The following IQCM variants were observed in gnomAD, a reference collection of about 807,000 sequenced individuals.
The protein encoded by IQCM is IQ motif containing M.
A neutral mutation model predicts 57.6 loss-of-function variants in IQCM; 45 were observed. The observed-to-expected ratio is 0.78, with a 90% CI of 0.62 to 1.00. The LOEUF (loss-of-function observed/expected upper bound fraction) is 1.00. Ranked by LOEUF, IQCM falls within the 50% of genes least tolerant of loss-of-function variation. The pLI is 0.00. For synonymous variants in IQCM, 148 were observed against 158.9 expected, an observed-to-expected ratio of 0.93 and a Z score of 0.51; for missense variants, 468 against 511.6, an observed-to-expected ratio of 0.91 and a Z score of 0.82.
chr4:149,583,004 C>T (rs1267425849), intron 9 of IQCM, among the ~76,000 whole-genome samples: 2 of 151,478 alleles, frequency 1.3e-5, no homozygotes, highest in African/African-American at 4.8e-5. Flanking sequence ...TATCTGGACT[C>T]TGAAATGTGA....
At chr4:149,758,859 G>A (rs577403625) in intron 2 of IQCM, among the ~76,000 whole-genome samples, 27 of 147,464 alleles carry the variant, frequency 1.8e-4, no homozygotes, top group African/African-American at 6.2e-4. Context: ...GTGGGAATGC[G>A]AAATGATACA....
chr4:149,764,436 G>A (rs2149971859), intron 2 of IQCM, among the ~76,000 whole-genome samples: 1 of 152,240 alleles, frequency 6.6e-6, no homozygotes, highest in Admixed American at 6.5e-5. Flanking sequence ...TATGCATAAT[G>A]AGACAACTTT....
chr4:149,775,403 A>G (rs1021253096), intron 2 of IQCM, among the ~76,000 whole-genome samples: 2 of 152,214 alleles, frequency 1.3e-5, no homozygotes, highest in African/African-American at 4.8e-5. Flanking sequence ...GTTCACCAGA[A>G]CTTTAATCTC....
intron 2 of IQCM, among the ~76,000 whole-genome samples, chr4:149,808,577 AG>A (rs1315874461): frequency 6.6e-6 from 1 of 152,176 alleles, no homozygotes; most frequent in East Asian, 1.9e-4. Context: ...ACAAAAAGGT[AG>A]ATGTTTGAGG....
At chr4:149,358,424 C>A (rs1185428890) in intron 13 of IQCM, among the ~76,000 whole-genome samples, 1 of 152,076 alleles carries the variant, frequency 6.6e-6, no homozygotes, top group Non-Finnish European at 1.5e-5. Context: ...TGAATGTGTC[C>A]CATAGATTCT....
chr4:149,449,966 C>T (rs1736926884), intron 12 of IQCM, among the ~76,000 whole-genome samples: 1 of 151,650 alleles, frequency 6.6e-6, no homozygotes, highest in Admixed American at 6.6e-5. Flanking sequence ...TTATACTACA[C>T]AGCTATGGTA....
At chr4:149,747,594 T>C (rs1768047386) in intron 2 of IQCM, among the ~76,000 whole-genome samples, 1 of 152,240 alleles carries the variant, frequency 6.6e-6, no homozygotes, top group South Asian at 2.1e-4. Context: ...AATCCACGGA[T>C]ACAGAGGTCC....
rs1056510088 is a variant in IQCM, at chr4:149,583,759, T to C, written c.749+4171A>G. Reference sequence around the variant, plus strand: ...AGAACATGTCATCACAATAGTACAATGAATTATAATCTATACAGCTTCTGG... The same window carrying C: ...AGAACATGTCATCACAATAGTACAACGAATTATAATCTATACAGCTTCTGG... On this transcript the variant is annotated intron_variant, in intron 9 of 13. Transcript: ENST00000636793. Among the ~76,000 whole-genome samples, 10 of 151,706 alleles carry C rather than the reference T, an allele frequency of 6.6e-5. No individual in the cohort carries two copies. The South Asian group carries it at 2.1e-3, about 31-fold the overall frequency.
chr4:149,628,886 A>G (rs534188069), intron 7 of IQCM, among the ~76,000 whole-genome samples: 8 of 152,330 alleles, frequency 5.3e-5, no homozygotes, highest in African/African-American at 1.7e-4. Context: ...ATCAATAAAT[A>G]ATAGACCACC....
At chr4:149,469,370 A>T (rs1430240318) in intron 12 of IQCM, among the ~76,000 whole-genome samples, 1 of 152,242 alleles carries the variant, frequency 6.6e-6, no homozygotes, top group Non-Finnish European at 1.5e-5. Context: ...AAGAAAGGGT[A>T]TCAGTGATTG....
intron 2 of IQCM, chr4:149,790,330 C>G (rs942279190): frequency 2.4e-5 from 5 of 207,980 alleles, no homozygotes; most frequent in African/African-American, 4.7e-5. Context: ...TTGCGAGCTG[C>G]CTTCTTCCTT....
chr4:149,627,342 A>G lies in IQCM; in HGVS notation c.566-6098T>C, dbSNP rs117699657. ...ACCTGATCATCAACTATAGAACTAG[A>G]TTTTTCTCAGGGCTGAGAAAAATCC... On this transcript the variant is annotated intron_variant, in intron 7 of 13. Coordinates refer to ENST00000636793, the MANE Select transcript of IQCM (RefSeq NM_001363507.2). 2.4e-3 allele frequency among the ~76,000 whole-genome samples: 372 copies of G among 152,130 alleles called. 12 individuals carry two copies. The East Asian group carries it at 0.064, about 26-fold the overall frequency.
At chr4:149,686,233 T>C in intron 6 of IQCM, 145 bp downstream of exon 6, 1 of 398,054 alleles carries the variant, frequency 2.5e-6, no homozygotes, top group African/African-American at 2.1e-5. Flanking sequence ...TTGATATGCT[T>C]TGAGGAACTC....
At chr4:149,396,786 C>T (rs1035250665) in intron 13 of IQCM, among the ~76,000 whole-genome samples, 5 of 152,138 alleles carry the variant, frequency 3.3e-5, no homozygotes, top group South Asian at 2.1e-4. Flanking sequence ...ACTTTACATA[C>T]GTAATGTAAG....
chr4:149,625,937 A>G (rs546405972), intron 7 of IQCM, among the ~76,000 whole-genome samples: 54 of 152,298 alleles, frequency 3.5e-4, no homozygotes, highest in African/African-American at 1.3e-3. Flanking sequence ...TTTCTATGTT[A>G]TAAAATATCT....
At chr4:149,620,404 G>A (rs923807390) in intron 8 of IQCM, among the ~76,000 whole-genome samples, 1 of 152,020 alleles carries the variant, frequency 6.6e-6, no homozygotes, top group African/African-American at 2.4e-5. Flanking sequence ...TATGAAAAGA[G>A]AGAAAAAGAT....
rs1368288548 is a variant in IQCM at position 149,387,272 on chromosome 4, T to A, written c.1391-35206A>T. On this transcript the variant is annotated intron_variant, in intron 13 of 13. Coordinates refer to ENST00000636793, the MANE Select transcript of IQCM (RefSeq NM_001363507.2). Reference sequence around the variant, plus strand: ...ACTAATCCCATTCATAAGGGCTTCATCCTCATGACCTAATCATCTCCCAAA... The same window carrying A: ...ACTAATCCCATTCATAAGGGCTTCAACCTCATGACCTAATCATCTCCCAAA... Among the ~76,000 whole-genome samples the A allele has an allele frequency of 3.9e-5, 6 of 152,012 alleles. No individual in the cohort carries two copies. The East Asian group carries it at 1.2e-3, about 29-fold the overall frequency.
At chr4:149,409,961 G>A (rs1457077351) in intron 13 of IQCM, among the ~76,000 whole-genome samples, 1 of 152,170 alleles carries the variant, frequency 6.6e-6, no homozygotes, top group Non-Finnish European at 1.5e-5. Context: ...CAAGGCAGGT[G>A]GATCACGAGA....
chr4:149,522,137 T>A (rs1479536877), intron 12 of IQCM, among the ~76,000 whole-genome samples: 1 of 152,196 alleles, frequency 6.6e-6, no homozygotes, highest in East Asian at 1.9e-4. Flanking sequence ...GAGCCTCTGC[T>A]GTTAAGACTA....
Sources: allele counts gnomAD v4.1 joint callset (sites outside exome capture counted in the v4.1 genomes callset), GRCh38; gene constraint gnomAD v4.1.1; transcripts MANE v1.5; gene names NCBI Gene and HGNC (gene_info 2026-07-23, HGNC 2026-07-21).